ZDHHC21: variants seen among roughly 807,000 people sequenced by gnomAD.
The protein encoded by ZDHHC21 is palmitoyltransferase ZDHHC21.
Under a neutral mutation model 34.6 loss-of-function variants are expected in ZDHHC21, and 15 were observed. That is an observed-to-expected ratio of 0.43 (90% confidence interval 0.29 to 0.67). ZDHHC21 has a LOEUF of 0.67. Among genes scored for constraint, ZDHHC21 ranks in the 30% least tolerant of loss-of-function variants. The probability of loss-of-function intolerance (pLI) is 0.14; values close to 1 mark genes in which losing one functional copy is unlikely to be tolerated. For synonymous variants in ZDHHC21, 142 were observed against 101.8 expected, an observed-to-expected ratio of 1.40 and a Z score of -2.38; for missense variants, 344 against 327.7, an observed-to-expected ratio of 1.05 and a Z score of -0.38.
At chr9:14,601,525 G>C in the ZDHHC21 span, among the ~76,000 whole-genome samples, 2 of 152,172 alleles carry the variant, frequency 1.3e-5, no homozygotes, top group African/African-American at 4.8e-5. Context: ...TGGAAAAACA[G>C]GAACACTTTT....
intron 8 of ZDHHC21, among the ~76,000 whole-genome samples, chr9:14,628,852 G>T (rs577721112): frequency 6.6e-6 from 1 of 151,888 alleles, no homozygotes. Context: ...TAATTCATTC[G>T]ATTTAAAATT....
At chr9:14,689,578 G>A (rs992574519) in intron 2 of ZDHHC21, among the ~76,000 whole-genome samples, 2 of 152,168 alleles carry the variant, frequency 1.3e-5, no homozygotes, top group African/African-American at 4.8e-5. Context: ...CCAGTCTCAT[G>A]AGTGAAAAAT....
chr9:14,659,355 A>T (rs1024231218), intron 6 of ZDHHC21, among the ~76,000 whole-genome samples: 2 of 152,194 alleles, frequency 1.3e-5, no homozygotes, highest in Non-Finnish European at 2.9e-5. Context: ...CTCTGACATA[A>T]CTGCTAAGCA....
the ZDHHC21 span, among the ~76,000 whole-genome samples, chr9:14,598,934 T>A: frequency 1.3e-5 from 2 of 149,426 alleles, no homozygotes; most frequent in Non-Finnish European, 3.0e-5. Flanking sequence ...AATTTTTTTT[T>A]GTTATTTTTG....
chr9:14,657,653 C>CT (rs34734434), intron 7 of ZDHHC21, among the ~76,000 whole-genome samples: 68 of 152,056 alleles, frequency 4.5e-4, no homozygotes, highest in East Asian at 5.8e-4. Context: ...TCCAGTAAAA[C>CT]TTTTTTTTAA....
intron 5 of ZDHHC21, among the ~76,000 whole-genome samples, chr9:14,668,562 G>C (rs1587338651): frequency 2.0e-5 from 3 of 150,378 alleles, no homozygotes; most frequent in South Asian, 4.3e-4. Flanking sequence ...TAAGCCAAAA[G>C]AACAAAGCTG....
intron 5 of ZDHHC21, among the ~76,000 whole-genome samples, chr9:14,670,411 A>G (rs577152771): frequency 6.6e-6 from 1 of 152,266 alleles, no homozygotes; most frequent in South Asian, 2.1e-4. Context: ...ATTATTGAAA[A>G]TAACAATTTG....
downstream of ZDHHC21, among the ~76,000 whole-genome samples, chr9:14,606,327 TG>T (rs1368830449): frequency 1.3e-5 from 2 of 152,298 alleles, no homozygotes; most frequent in East Asian, 3.9e-4. Context: ...AGTTTCTTTC[TG>T]GTTGTCTTGG....
chr9:14,651,884 AT>A (rs1831299544), intron 7 of ZDHHC21, among the ~76,000 whole-genome samples: 1 of 151,922 alleles, frequency 6.6e-6, no homozygotes, highest in East Asian at 1.9e-4. Flanking sequence ...AAATCCATCT[AT>A]TTTATTCACT....
chr9:14,684,489 T>A (rs1467690334), intron 2 of ZDHHC21, among the ~76,000 whole-genome samples: 2 of 146,862 alleles, frequency 1.4e-5, no homozygotes, highest in African/African-American at 5.0e-5. Flanking sequence ...GGAATCCAAC[T>A]TACAAGGGAT....
intron 3 of ZDHHC21, 62 bp from the exon 4 acceptor site, chr9:14,674,447 T>G: frequency 9.6e-7 from 1 of 1,042,046 alleles, no homozygotes. Flanking sequence ...AAACCTGTAT[T>G]TCTGGCAACT....
At chr9:14,692,418 A>G (rs941688583) in intron 1 of ZDHHC21, among the ~76,000 whole-genome samples, 7 of 152,120 alleles carry the variant, frequency 4.6e-5, no homozygotes, top group African/African-American at 1.7e-4. Context: ...TTACAATATA[A>G]TTTATGACCC....
intron 8 of ZDHHC21, among the ~76,000 whole-genome samples, chr9:14,621,724 A>G (rs541674576): frequency 6.6e-6 from 1 of 152,244 alleles, no homozygotes; most frequent in African/African-American, 2.4e-5. Flanking sequence ...GTGCTTACAT[A>G]TAACACACCC....
chr9:14,599,648 T>G, the ZDHHC21 span, among the ~76,000 whole-genome samples: 2 of 151,946 alleles, frequency 1.3e-5, no homozygotes, highest in East Asian at 3.9e-4. Flanking sequence ...GGGTGCCAAG[T>G]GATATAGCTC....
At chr9:14,672,238 T>A (rs1835598627) in intron 5 of ZDHHC21, among the ~76,000 whole-genome samples, 1 of 152,132 alleles carries the variant, frequency 6.6e-6, no homozygotes, top group Non-Finnish European at 1.5e-5. Flanking sequence ...GCTCAACCTT[T>A]AAACATTCCT....
Position 14,618,763 on chromosome 9 carries a change from T to C in ZDHHC21, c.*203A>G. 1 of 453,932 alleles carries C rather than the reference T, an allele frequency of 2.2e-6. No homozygotes were observed. The highest frequency in any genetic ancestry group is 3.6e-6 in the Non-Finnish European group (1 of 279,842). The allele number at this position is 453,932 out of a possible 1,614,324, so 28.1% of individuals were successfully genotyped here. ...TGGAAAGCTAATTTGAAAGTAAACA[T>C]GCTTTAAAACTTAAATATAGATCTT... On this transcript the variant is annotated 3_prime_UTR_variant, in exon 10 of 10. Coordinates refer to ENST00000380916, the MANE Select transcript of ZDHHC21 (RefSeq NM_178566.6).
At chr9:14,655,754 G>A (rs1205307829) in intron 7 of ZDHHC21, among the ~76,000 whole-genome samples, 1 of 151,502 alleles carries the variant, frequency 6.6e-6, no homozygotes, top group African/African-American at 2.4e-5. Flanking sequence ...GAAAGAAAAG[G>A]AGAAAAATGG....
chr9:14,643,978 A>C (rs567652119), intron 7 of ZDHHC21, among the ~76,000 whole-genome samples: 1 of 152,324 alleles, frequency 6.6e-6, no homozygotes, highest in Non-Finnish European at 1.5e-5. Context: ...TGATTATTCC[A>C]GATAATTTGT....
At chr9:14,602,525 T>C in the ZDHHC21 span, among the ~76,000 whole-genome samples, 1 of 151,298 alleles carries the variant, frequency 6.6e-6, no homozygotes, top group African/African-American at 2.4e-5. Flanking sequence ...TCTTTTCCAA[T>C]GCACACACCA....
Sources: allele counts gnomAD v4.1 joint callset (sites outside exome capture counted in the v4.1 genomes callset), GRCh38; gene constraint gnomAD v4.1.1; transcripts MANE v1.5; gene names NCBI Gene and HGNC (gene_info 2026-07-23, HGNC 2026-07-21).